Variants in SLC35F5 observed in about 807,000 individuals in gnomAD.
The protein encoded by SLC35F5 is HCV NS5A-transactivated protein 3.
A neutral mutation model predicts 68.6 loss-of-function variants in SLC35F5; 54 were observed. The observed-to-expected ratio is 0.79, with a 90% confidence interval of 0.63 to 0.99. SLC35F5 has a LOEUF of 0.99. Ranked by LOEUF, SLC35F5 falls within the 50% of genes least tolerant of loss-of-function variation. The probability of loss-of-function intolerance (pLI) is 0.00; values close to 1 mark genes in which losing one functional copy is unlikely to be tolerated. For missense variants in SLC35F5, 567 were observed against 626.9 expected (o/e 0.90, Z 1.02); for synonymous variants, 211 against 205.2 (o/e 1.03, Z -0.24).
chr2:113,746,052 T>C (rs1207257705), intron 5 of SLC35F5, among the ~76,000 whole-genome samples: 1 of 152,160 alleles, frequency 6.6e-6, no homozygotes, highest in Non-Finnish European at 1.5e-5. Flanking sequence ...CCTGAACCAG[T>C]TTTCCCTTCC....
intron 4 of SLC35F5, among the ~76,000 whole-genome samples, chr2:113,747,844 C>T (rs1003364119): frequency 1.3e-5 from 2 of 152,212 alleles, no homozygotes; most frequent in Admixed American, 1.3e-4. Context: ...GTAATCCCAG[C>T]ACTCTGGGAG....
At chr2:113,721,838 A>G (rs530349545) in intron 13 of SLC35F5, among the ~76,000 whole-genome samples, 17 of 152,308 alleles carry the variant, frequency 1.1e-4, no homozygotes, top group Admixed American at 4.6e-4. Context: ...TTAATTCTCA[A>G]TTAAGGAAAG....
At chr2:113,739,717 A>C (rs563832386) in intron 7 of SLC35F5, among the ~76,000 whole-genome samples, 1 of 152,322 alleles carries the variant, frequency 6.6e-6, no homozygotes, top group East Asian at 1.9e-4. Context: ...AAAAGCATCT[A>C]TAGTTGACCC....
chr2:113,728,366 C>T (rs1212480127), intron 11 of SLC35F5, among the ~76,000 whole-genome samples: 2 of 152,150 alleles, frequency 1.3e-5, no homozygotes, highest in African/African-American at 4.8e-5. Context: ...TCTTGAATCC[C>T]TGGCTTCAAG....
chr2:113,750,589 C>T (rs758084874), intron 3 of SLC35F5, 21 bp from the exon 4 acceptor site: 14 of 1,589,188 alleles, frequency 8.8e-6, no homozygotes, highest in African/African-American at 5.4e-5. Context: ...AAAAGTTACA[C>T]AGACAACTCT....
rs909607281 is a variant in SLC35F5 at position 113,709,266 on chromosome 2, C to T, written c.*5952G>A. On this transcript the variant is annotated 3_prime_UTR_variant, in exon 16 of 16. Transcript: ENST00000245680. Reference sequence around the variant, plus strand: ...CATTGTCTCTGGAACTACAAAACTACGGCCTATGTGGTGTCACTGTTATTA... The same window carrying T: ...CATTGTCTCTGGAACTACAAAACTATGGCCTATGTGGTGTCACTGTTATTA... 6.6e-5 allele frequency among the ~76,000 whole-genome samples: 10 copies of T among 151,090 alleles called. No homozygotes were observed. Among genetic ancestry groups the T allele is most frequent in the East Asian group, 1.9e-4 (1 of 5,162 alleles).
Position 113,707,831 on chromosome 2 carries a change from G to C in SLC35F5, c.*7387C>G, listed in dbSNP as rs1052641164. 1.3e-5 allele frequency among the ~76,000 whole-genome samples: 2 copies of C among 152,086 alleles called. No homozygotes were observed. The highest frequency in any genetic ancestry group is 4.8e-5 in the African/African-American group (2 of 41,422). ...CCGCCTCGGACTCCCAAAGTGCTGG[G>C]ATTACAGGTGTGAGCCACCGCACCT... On this transcript the variant is annotated 3_prime_UTR_variant, in exon 16 of 16. Transcript: ENST00000245680.
chr2:113,742,834 C>T lies in SLC35F5; in HGVS notation c.608G>A (p.Arg203Gln), dbSNP rs1460946211. The change falls in exon 7 of 16, where the codon CGA becomes CAA. Residue 203 changes from arginine to glutamine, a missense_variant. By Grantham distance (43) the Arg-to-Gln change is conservative. Transcript: ENST00000245680. Reference sequence around the variant, plus strand: ...CAATGCATGACTTGACGGAAGCTGTCGAATCTCCATGATATTACTGAACCT... The same window carrying T: ...CAATGCATGACTTGACGGAAGCTGTTGAATCTCCATGATATTACTGAACCT... ...RVRFSNIMEI[R>Q]QLPSSHALEA... 2 of 1,613,962 alleles carry T rather than the reference C, an allele frequency of 1.2e-6. No individual in the cohort carries two copies. Among genetic ancestry groups the T allele is most frequent in the Admixed American group, 1.7e-5 (1 of 60,010 alleles).
rs373074565 is a variant in SLC35F5 at position 113,743,721 on chromosome 2, G to A, written c.554C>T (p.Thr185Ile). Residue 185 changes from threonine to isoleucine, a missense_variant, in exon 6 of 16, where the codon ACT becomes ATT. By Grantham distance (89) the Thr-to-Ile change is moderately conservative. Transcript: ENST00000245680. The stretch of plus-strand genomic sequence containing the variant: ...TTCCAAGTTTTGCTTACTTTTTTCA[G>A]TATCAATGTTTGTGCTCTCAGGTTT... ...SEKPESTNID[T>I]EKTPKKSRVR... The A allele has an allele frequency of 1.2e-6, 2 of 1,610,588 alleles. No individual in the cohort carries two copies. Among genetic ancestry groups the A allele is most frequent in the East Asian group, 2.2e-5 (1 of 44,808 alleles).
chr2:113,746,153 G>A (rs1437079829), intron 5 of SLC35F5, 124 bp downstream of exon 5: 3 of 728,790 alleles, frequency 4.1e-6, no homozygotes, highest in Non-Finnish European at 7.2e-6. Flanking sequence ...TCCTAATGAT[G>A]GGCACCCAAT....
downstream of SLC35F5, among the ~76,000 whole-genome samples, chr2:113,703,488 C>T (rs1402775751): frequency 1.3e-5 from 2 of 152,106 alleles, no homozygotes; most frequent in African/African-American, 4.8e-5. Context: ...CCCCTACAAA[C>T]CTCACAGCAA....
At chr2:113,750,395 C>G in intron 4 of SLC35F5, 30 bp downstream of exon 4, 2 of 1,560,058 alleles carry the variant, frequency 1.3e-6, no homozygotes, top group South Asian at 2.4e-5. Context: ...ATACCCCCTT[C>G]CTAACAGACA....
intron 3 of SLC35F5, among the ~76,000 whole-genome samples, chr2:113,751,304 A>T (rs1163816968): frequency 6.6e-6 from 1 of 152,154 alleles, no homozygotes; most frequent in Non-Finnish European, 1.5e-5. Context: ...GAGACTGACA[A>T]ATTTCAAGGT....
chr2:113,731,447 G>T (rs1381521682), intron 10 of SLC35F5, 137 bp downstream of exon 10: 2 of 601,002 alleles, frequency 3.3e-6, no homozygotes, highest in Admixed American at 2.5e-5. Context: ...ATTTTTTTAT[G>T]TTATTTCCAA....
In SLC35F5 at chr2:113,720,745, T is replaced by C. The variant is rs17631970; in HGVS notation, c.1342-1437A>G. Among the ~76,000 whole-genome samples the C allele has an allele frequency of 8.5e-5, 13 of 152,254 alleles. No individual in the cohort carries two copies. In the East Asian group the frequency reaches 2.5e-3, roughly 29 times the overall value. ...AATAATGCGATTAAAAATGTAGATA[T>C]AGTTGATAGAATTATTTCATGAATA... On this transcript the variant is annotated intron_variant, in intron 13 of 15. Transcript: ENST00000245680.
chr2:113,724,386 C>T (rs376020321), intron 12 of SLC35F5, among the ~76,000 whole-genome samples: 1 of 151,876 alleles, frequency 6.6e-6, no homozygotes, highest in East Asian at 1.9e-4. Flanking sequence ...ATGTACATAA[C>T]TAAAGATGAA....
downstream of SLC35F5, among the ~76,000 whole-genome samples, chr2:113,705,994 A>G (rs1686789805): frequency 6.6e-6 from 1 of 152,190 alleles, no homozygotes; most frequent in South Asian, 2.1e-4. Context: ...CCCTAATTCC[A>G]CTTTCTGGAG....
intron 4 of SLC35F5, 46 bp downstream of exon 4, chr2:113,750,379 G>A (rs180910421): frequency 3.0e-5 from 44 of 1,477,462 alleles, no homozygotes; most frequent in Non-Finnish European, 3.3e-5. Flanking sequence ...TTGAAAAAAC[G>A]TATCTATACC....
At position 113,713,071 on chromosome 2, in the gene SLC35F5, T is replaced by C. The variant is rs998892916; in HGVS notation, c.*2147A>G. ...GAAGTCTTCAACTGCTCACTCACCA[T>C]GGCTACAGTATTCAAATGCAACAAT... On this transcript the variant is annotated 3_prime_UTR_variant, in exon 16 of 16. Coordinates refer to ENST00000245680, the MANE Select transcript of SLC35F5 (RefSeq NM_025181.5). 5 of 152,190 alleles carry C rather than the reference T, an allele frequency of 3.3e-5. No homozygotes were observed. Among genetic ancestry groups the C allele is most frequent in the African/African-American group, 9.6e-5 (4 of 41,454 alleles). The allele number at this position is 152,190 out of a possible 1,614,324, so 9.4% of individuals were successfully genotyped here.
Sources: gnomAD v4.1 joint callset for allele counts (sites outside exome capture counted in the v4.1 genomes callset) on GRCh38, gnomAD v4.1.1 for gene constraint, MANE v1.5 for transcripts, NCBI Gene and HGNC (gene_info 2026-07-23, HGNC 2026-07-21) for gene names.